Variants in STX19 observed in about 807,000 individuals in gnomAD.
The protein encoded by STX19 is syntaxin 19, also known as syntaxin-19.
Under a neutral mutation model 24.3 loss-of-function variants are expected in STX19, and 26 were observed. The ratio of observed to expected loss-of-function variants is 1.07; its 90% CI spans 0.78 to 1.48. The LOEUF is 1.48. STX19 is among the 40% of genes most tolerant of loss of function. The pLI is 0.00. For missense variants in STX19, 367 were observed against 331.9 expected, an observed-to-expected ratio of 1.11 and a Z score of -0.82; for synonymous variants, 116 against 106.9, an observed-to-expected ratio of 1.09 and a Z score of -0.52.
rs953394167 is a variant in STX19, at chr3:94,026,023, T to C, written c.-14+2344A>G. ...ATTTCTGGCACCTGAAAACTTCTCT[T>C]TTTTTTTTTTTTTTGAGACGGAGTC... is the stretch of plus-strand genomic sequence containing the variant. On this transcript the variant is annotated intron_variant, in intron 1 of 1. Coordinates refer to ENST00000315099, the MANE Select transcript of STX19 (RefSeq NM_001001850.3). Among the ~76,000 whole-genome samples, 10 of 147,326 alleles carry C rather than the reference T, an allele frequency of 6.8e-5. No homozygotes were observed. The South Asian group carries it at 8.4e-4, about 12-fold the overall frequency.
chr3:94,020,432 C>T (rs1470326781), intron 1 of STX19, among the ~76,000 whole-genome samples: 1 of 152,138 alleles, frequency 6.6e-6, no homozygotes, highest in Non-Finnish European at 1.5e-5. Flanking sequence ...AAGGACTCAA[C>T]TCTTTATACG....
chr3:94,016,328 T>C (rs1316884492), intron 1 of STX19, among the ~76,000 whole-genome samples: 1 of 152,166 alleles, frequency 6.6e-6, no homozygotes, highest in Non-Finnish European at 1.5e-5. Context: ...GATGCTGTTA[T>C]GCTGTAGGAC....
At chr3:94,016,498 A>G (rs957118243) in intron 1 of STX19, among the ~76,000 whole-genome samples, 1 of 152,210 alleles carries the variant, frequency 6.6e-6, no homozygotes, top group Non-Finnish European at 1.5e-5. Flanking sequence ...GGAACTTTAT[A>G]CTAAAAATAA....
chr3:94,019,299 C>T (rs2076399197), intron 1 of STX19, among the ~76,000 whole-genome samples: 2 of 152,018 alleles, frequency 1.3e-5, no homozygotes. Context: ...CAGGTTCAAT[C>T]GATTCTTCTG....
intron 1 of STX19, among the ~76,000 whole-genome samples, chr3:94,018,624 T>G (rs2076382680): frequency 6.6e-6 from 1 of 152,154 alleles, no homozygotes; most frequent in South Asian, 2.1e-4. Context: ...AGGTTGCTCT[T>G]AAAAAACTGC....
At position 94,014,387 on chromosome 3, in the gene STX19, A is replaced by T. The variant is rs1284047345; in HGVS notation, c.883T>A (p.Ter295LysextTer?). Reference protein sequence around the residue: ...CWCCPCCSSK* With the variant: ...CWCCPCCSSKK The stretch of plus-strand genomic sequence containing the variant: ...GAAAAAGTTTTAAAATAGCTTCTTT[A>T]TTTTGAGCTACAGCATGGACAGCAC... The change falls in exon 2 of 2, where the codon TAA becomes AAA. Residue 295 changes from the stop codon to lysine (K), a stop_lost. Transcript: ENST00000315099. 7 of 1,518,908 alleles carry T rather than the reference A, an allele frequency of 4.6e-6. No homozygotes were observed. In the South Asian group the frequency reaches 9.6e-5, roughly 21 times the overall value. 94.1% of individuals were successfully genotyped at this position (1,518,908 alleles called of 1,614,324 possible).
intron 1 of STX19, among the ~76,000 whole-genome samples, chr3:94,025,488 A>C (rs750503619): frequency 2.6e-5 from 4 of 152,156 alleles, no homozygotes; most frequent in Non-Finnish European, 5.9e-5. Flanking sequence ...TTACATTATT[A>C]GGTTATTTCT....
At chr3:94,020,105 G>A (rs2076416851) in intron 1 of STX19, among the ~76,000 whole-genome samples, 1 of 152,046 alleles carries the variant, frequency 6.6e-6, no homozygotes, top group Non-Finnish European at 1.5e-5. Flanking sequence ...TTAACTCCAT[G>A]AGATCAAGGG....
In STX19 at chr3:94,014,918, TTTTAACTTC is replaced by T; in HGVS notation, c.343_351del (p.Glu115_Lys117del). On this transcript the variant is annotated inframe_deletion, in exon 2 of 2. Coordinates refer to ENST00000315099, the MANE Select transcript of STX19 (RefSeq NM_001001850.3). The stretch of plus-strand genomic sequence containing the variant: ...GATGGACCATTTTCAACCTCTGACT[TTTTAACTTC>T]TTTAACTAAATCATTCAAACTTCTG... The T allele has an allele frequency of 1.9e-6, 3 of 1,613,530 alleles. No homozygotes were observed. Among genetic ancestry groups the T allele is most frequent in the Non-Finnish European group, 2.5e-6 (3 of 1,179,858 alleles).
chr3:94,025,826 G>C (rs2076544512), intron 1 of STX19, among the ~76,000 whole-genome samples: 1 of 152,022 alleles, frequency 6.6e-6, no homozygotes, highest in African/African-American at 2.4e-5. Context: ...TCCTGTCTTT[G>C]TATACAGATT....
chr3:94,018,188 A>G (rs924283766), intron 1 of STX19, among the ~76,000 whole-genome samples: 1 of 146,970 alleles, frequency 6.8e-6, no homozygotes, highest in Non-Finnish European at 1.5e-5. Flanking sequence ...ATAAGCCACC[A>G]TGCCTGGCCC....
intron 1 of STX19, 51 bp from the exon 2 acceptor site, chr3:94,015,333 C>G: frequency 7.1e-7 from 1 of 1,404,606 alleles, no homozygotes; most frequent in Admixed American, 2.5e-5. Context: ...GGTATTTTTC[C>G]CCAGTAGCAG....
rs772437429 is a variant in STX19, at chr3:94,015,018, C to T, written c.252G>A (p.Arg84=). 8.1e-6 allele frequency: 13 copies of T among 1,613,992 alleles called. No homozygotes were observed. The highest frequency in any genetic ancestry group is 1.3e-5 in the African/African-American group (1 of 75,016). ...QQKSLVASMR[R]FSLLKRESTI... is the part of the protein sequence containing the mutation. ...TAGACTCTCTCTTAAGTAGACTAAA[C>T]CTTCTCATTGAAGCCACCAGACTTT... Residue 84 remains arginine (R), a synonymous_variant, in exon 2 of 2, where the codon AGG becomes AGA. Transcript: ENST00000315099.
rs1415693972 is a variant in STX19, at chr3:94,015,009, T to C, written c.261A>G (p.Leu87=). The change falls in exon 2 of 2, where the codon CTA becomes CTG. Residue 87 remains leucine (L), a synonymous_variant. Transcript: ENST00000315099. ...TTGTAATGGTAGACTCTCTCTTAAGTAGACTAAACCTTCTCATTGAAGCCA... is the reference window on the plus strand; with the variant it reads ...TTGTAATGGTAGACTCTCTCTTAAGCAGACTAAACCTTCTCATTGAAGCCA... ...SLVASMRRFS[L]LKRESTITKE... 1 of 1,614,062 alleles carries C rather than the reference T, an allele frequency of 6.2e-7. No homozygotes were observed. Among genetic ancestry groups the C allele is most frequent in the East Asian group, 2.2e-5 (1 of 44,866 alleles).
chr3:94,025,747 T>TAGTG (rs1224142310), intron 1 of STX19, among the ~76,000 whole-genome samples: 5 of 152,182 alleles, frequency 3.3e-5, no homozygotes, highest in African/African-American at 1.2e-4. Flanking sequence ...AATTTTTCTC[T>TAGTG]AGTGATTTTT....
intron 1 of STX19, among the ~76,000 whole-genome samples, chr3:94,019,528 G>A (rs977013017): frequency 3.9e-5 from 6 of 152,014 alleles, no homozygotes; most frequent in Admixed American, 3.3e-4. Flanking sequence ...GATTGTTAAC[G>A]ATAGTCTCCT....
rs2076286745 is a variant in STX19 at position 94,014,536 on chromosome 3, T to A, written c.734A>T (p.Glu245Val). ...QISLLVEEQG[E>V]SINNIEMTVN... ...TGTCATTTCAATATTGTTGATGCTCTCTCCTTGTTCCTCTACTAAAAGAGA... is the reference window on the plus strand; with the variant it reads ...TGTCATTTCAATATTGTTGATGCTCACTCCTTGTTCCTCTACTAAAAGAGA... The change falls in exon 2 of 2, where the codon GAG becomes GTG. Residue 245 changes from glutamate (E) to valine (V), a missense_variant. Physicochemically the swap from Glu to Val is moderately radical, Grantham distance 121. Transcript: ENST00000315099. 20 of 1,612,914 alleles carry A rather than the reference T, an allele frequency of 1.2e-5. No individual in the cohort carries two copies. Among genetic ancestry groups the A allele is most frequent in the Non-Finnish European group, 1.4e-5 (16 of 1,179,668 alleles).
chr3:94,020,451 G>A (rs903631979), intron 1 of STX19, among the ~76,000 whole-genome samples: 2 of 152,108 alleles, frequency 1.3e-5, no homozygotes, highest in Non-Finnish European at 2.9e-5. Flanking sequence ...CGACAGTATA[G>A]CATACTAGAG....
intron 1 of STX19, among the ~76,000 whole-genome samples, chr3:94,021,662 G>A (rs891282059): frequency 6.6e-6 from 1 of 152,086 alleles, no homozygotes; most frequent in Non-Finnish European, 1.5e-5. Flanking sequence ...CTTCTTTTCA[G>A]TATAGAGAAA....
Sources: allele counts gnomAD v4.1 joint callset (sites outside exome capture counted in the v4.1 genomes callset), GRCh38; gene constraint gnomAD v4.1.1; transcripts MANE v1.5; gene names NCBI Gene and HGNC (gene_info 2026-07-23, HGNC 2026-07-21).